EYS: variants seen among roughly 807,000 people sequenced by gnomAD.
EYS encodes the protein protein eyes shut homolog.
Under a neutral mutation model 282.1 loss-of-function variants are expected in EYS, and 250 were observed. That is an observed-to-expected ratio of 0.89 (90% confidence interval 0.80 to 0.98). EYS has a LOEUF of 0.98. Among genes scored for constraint, EYS ranks in the 50% least tolerant of loss-of-function variants. The pLI, the probability that EYS is intolerant of heterozygous loss-of-function variation, is 0.00. For missense variants in EYS, 4,016 were observed against 3,709.0 expected (o/e 1.08, Z -2.15); for synonymous variants, 1,355 against 1,282.9 (o/e 1.06, Z -1.20).
chr6:65,591,623 T>C (rs1304911447), intron 2 of EYS, among the ~76,000 whole-genome samples: 1 of 152,002 alleles, frequency 6.6e-6, no homozygotes, highest in Non-Finnish European at 1.5e-5. Context: ...AATTTACTAA[T>C]TTAACCTCTT....
chr6:64,881,416 C>A (rs569022837), intron 19 of EYS, among the ~76,000 whole-genome samples: 1 of 151,848 alleles, frequency 6.6e-6, no homozygotes, highest in Non-Finnish European at 1.5e-5. Flanking sequence ...TTATTTTAGC[C>A]ACTGTATTTT....
chr6:64,108,750 C>G (rs934775309), intron 31 of EYS, among the ~76,000 whole-genome samples: 15 of 152,064 alleles, frequency 9.9e-5, no homozygotes, highest in African/African-American at 3.6e-4. Flanking sequence ...ATCTCTCCTC[C>G]TCACTAACGC....
chr6:64,806,805 GA>G (rs1236410548), intron 22 of EYS, among the ~76,000 whole-genome samples: 1 of 151,662 alleles, frequency 6.6e-6, no homozygotes, highest in Non-Finnish European at 1.5e-5. Context: ...GGCAAAGGCA[GA>G]GAGCACTATG....
intron 22 of EYS, among the ~76,000 whole-genome samples, chr6:64,785,248 C>T (rs971863301): frequency 3.3e-5 from 5 of 152,120 alleles, no homozygotes; most frequent in African/African-American, 1.2e-4. Context: ...GGATTTCTTT[C>T]TTTCCAGCTT....
chr6:64,704,497 AATAC>A (rs1770913582), intron 22 of EYS, among the ~76,000 whole-genome samples: 1 of 11,374 alleles, frequency 8.8e-5, no homozygotes, highest in Non-Finnish European at 3.7e-4. Flanking sequence ...ATTATAATAT[AATAC>A]TTATAATAAT....
At chr6:65,513,719 G>C (rs1171801317) in intron 2 of EYS, among the ~76,000 whole-genome samples, 2 of 151,794 alleles carry the variant, frequency 1.3e-5, no homozygotes, top group African/African-American at 4.8e-5. Flanking sequence ...ATGCAGAAAA[G>C]GCCTTTGACA....
At chr6:64,566,144 G>A (rs1765561558) in intron 26 of EYS, among the ~76,000 whole-genome samples, 1 of 152,020 alleles carries the variant, frequency 6.6e-6, no homozygotes, top group Admixed American at 6.6e-5. Flanking sequence ...TCTATATAAG[G>A]AGGAAAGAAG....
At chr6:64,002,841 G>A (rs1351014393) in intron 33 of EYS, among the ~76,000 whole-genome samples, 1 of 152,124 alleles carries the variant, frequency 6.6e-6, no homozygotes, top group Non-Finnish European at 1.5e-5. Flanking sequence ...CCTGGCCTGA[G>A]GATGATTTTT....
At chr6:64,795,661 A>C (rs1774333021) in intron 22 of EYS, among the ~76,000 whole-genome samples, 1 of 152,196 alleles carries the variant, frequency 6.6e-6, no homozygotes, top group African/African-American at 2.4e-5. Context: ...GAATGACCAG[A>C]ATATTGTTTC....
At chr6:65,075,015 T>A (rs976365772) in intron 12 of EYS, among the ~76,000 whole-genome samples, 1 of 152,130 alleles carries the variant, frequency 6.6e-6, no homozygotes, top group African/African-American at 2.4e-5. Context: ...AGTCATTGTG[T>A]ATAATACTGA....
chr6:64,912,444 G>A (rs1331221109), intron 16 of EYS, 40 bp downstream of exon 16: 2 of 1,521,392 alleles, frequency 1.3e-6, no homozygotes, highest in African/African-American at 1.4e-5. Context: ...AACTAATTAA[G>A]TAATTATTTA....
chr6:64,523,059 T>G (rs1442940668), intron 26 of EYS, among the ~76,000 whole-genome samples: 1 of 150,676 alleles, frequency 6.6e-6, no homozygotes, highest in East Asian at 1.9e-4. Flanking sequence ...GTTTTTTTTT[T>G]CCCCCTACAG....
intron 5 of EYS, among the ~76,000 whole-genome samples, chr6:65,454,579 C>T (rs1307357582): frequency 6.6e-6 from 1 of 150,934 alleles, no homozygotes. Flanking sequence ...AAAAAAAATC[C>T]TTGCCCAGCC....
chr6:64,837,736 C>A (rs145231540), intron 19 of EYS, among the ~76,000 whole-genome samples: 2,107 of 147,898 alleles, frequency 0.014, 16 homozygotes, highest in Non-Finnish European at 0.023. Flanking sequence ...CTTTTGGAAT[C>A]AACATATGAG....
intron 26 of EYS, among the ~76,000 whole-genome samples, chr6:64,472,672 T>C (rs942141159): frequency 6.6e-6 from 1 of 152,166 alleles, no homozygotes; most frequent in African/African-American, 2.4e-5. Context: ...AATTTAAATA[T>C]GATATAGGCA....
At chr6:64,839,407 C>T (rs1056133631) in intron 19 of EYS, among the ~76,000 whole-genome samples, 1 of 151,954 alleles carries the variant, frequency 6.6e-6, no homozygotes, top group African/African-American at 2.4e-5. Context: ...GACTCTAATA[C>T]ATTTTACTTC....
intron 12 of EYS, among the ~76,000 whole-genome samples, chr6:65,230,508 G>A (rs1766743621): frequency 6.6e-6 from 1 of 151,738 alleles, no homozygotes; most frequent in Non-Finnish European, 1.5e-5. Context: ...TTTAATATGA[G>A]TTGCTAATCC....
At chr6:64,957,486 T>A (rs1769750215) in intron 14 of EYS, among the ~76,000 whole-genome samples, 2 of 151,536 alleles carry the variant, frequency 1.3e-5, no homozygotes, top group East Asian at 1.9e-4. Flanking sequence ...AAAAAAAAAA[T>A]TAGGGAGAAC....
chr6:65,525,137 C>T (rs1767509559), intron 2 of EYS, among the ~76,000 whole-genome samples: 1 of 151,754 alleles, frequency 6.6e-6, no homozygotes, highest in Non-Finnish European at 1.5e-5. Context: ...ATACATGTGC[C>T]ATGGTGGTTT....
Sources: allele counts gnomAD v4.1 joint callset (sites outside exome capture counted in the v4.1 genomes callset), GRCh38; gene constraint gnomAD v4.1.1; transcripts MANE v1.5; gene names NCBI Gene and HGNC (gene_info 2026-07-23, HGNC 2026-07-21).